Variants in KMO observed in about 807,000 individuals in gnomAD.
KMO encodes the protein kynurenine 3-hydroxylase.
In KMO, 24 loss-of-function variants were observed where a neutral mutation model predicts 57.8. That is an observed-to-expected ratio of 0.42 (90% CI 0.30 to 0.58). The LOEUF (loss-of-function observed/expected upper bound fraction) is 0.58, where lower values mean the gene tolerates loss of function less well. Ranked by LOEUF, KMO falls within the 20% of genes least tolerant of loss-of-function variation. KMO has a pLI of 0.22. For missense variants in KMO, 483 were observed against 588.2 expected, an observed-to-expected ratio of 0.82 and a Z score of 1.85; for synonymous variants, 210 against 193.6, an observed-to-expected ratio of 1.08 and a Z score of -0.70.
At chr1:241,582,630 T>G (rs1662795494) in intron 10 of KMO, among the ~76,000 whole-genome samples, 1 of 152,240 alleles carries the variant, frequency 6.6e-6, no homozygotes, top group Non-Finnish European at 1.5e-5. Context: ...TTTCAATCTC[T>G]TTGTTAAATT....
At chr1:241,555,697 A>T in intron 5 of KMO, 37 bp downstream of exon 5, 1 of 1,227,952 alleles carries the variant, frequency 8.1e-7, no homozygotes, top group Admixed American at 1.7e-5. Context: ...TGTCATTTTG[A>T]GTAAAGCACA....
intron 7 of KMO, among the ~76,000 whole-genome samples, chr1:241,563,023 C>T (rs915142643): frequency 1.3e-5 from 2 of 152,106 alleles, no homozygotes; most frequent in African/African-American, 4.8e-5. Context: ...TATCGTTTGT[C>T]TATGTTCTCT....
intron 1 of KMO, among the ~76,000 whole-genome samples, chr1:241,533,371 C>A (rs967078054): frequency 1.3e-5 from 2 of 152,190 alleles, no homozygotes; most frequent in African/African-American, 4.8e-5. Context: ...TAACACTGTT[C>A]TAGGCTGAAT....
In KMO at chr1:241,593,621, CAT is replaced by C; in HGVS notation, c.*1470_*1471del. 4.5e-6 allele frequency: 1 copy of C among 219,994 alleles called. No individual in the cohort carries two copies. The highest frequency in any genetic ancestry group is 9.9e-6 in the Non-Finnish European group (1 of 101,370). The allele number at this position is 219,994 out of a possible 1,614,324, so 13.6% of individuals were successfully genotyped here. ...GACAGATTGACAAGAGAAAAACAAA[CAT>C]AAATTTATTAGCGGGTATATGTAAT... On this transcript the variant is annotated 3_prime_UTR_variant, in exon 15 of 15. Transcript: ENST00000366559.
intron 1 of KMO, among the ~76,000 whole-genome samples, chr1:241,538,367 G>C (rs1210749946): frequency 6.6e-6 from 1 of 152,142 alleles, no homozygotes; most frequent in Non-Finnish European, 1.5e-5. Context: ...AAAGAGGGTT[G>C]GTGGTCTCTT....
chr1:241,564,215 T>G (rs1458464185), intron 7 of KMO, among the ~76,000 whole-genome samples: 1 of 152,152 alleles, frequency 6.6e-6, no homozygotes, highest in East Asian at 1.9e-4. Context: ...TGGAAGGTGC[T>G]CTCAAAACAT....
At chr1:241,570,596 A>G (rs1194275027) in intron 10 of KMO, among the ~76,000 whole-genome samples, 1 of 151,750 alleles carries the variant, frequency 6.6e-6, no homozygotes, top group Non-Finnish European at 1.5e-5. Context: ...GCTAAAATTG[A>G]ATGTGGATAT....
intron 4 of KMO, among the ~76,000 whole-genome samples, chr1:241,554,227 T>TTTCCTTCCTTCCTTCC (rs59290477): frequency 0.015 from 1,983 of 132,050 alleles, 52 homozygotes; most frequent in Non-Finnish European, 0.018. Context: ...AATACTTTTC[T>TTTCCTTCCTTCCTTCC]TTCCTTCCTT....
In KMO at chr1:241,592,024, C is replaced by A; in HGVS notation, c.1332C>A (p.Tyr444Ter). The A allele has an allele frequency of 1.2e-6, 2 of 1,613,962 alleles. No homozygotes were observed. Among genetic ancestry groups the A allele is most frequent in the Non-Finnish European group, 1.7e-6 (2 of 1,179,864 alleles). The change falls in exon 15 of 15, where the codon TAC (tyrosine) becomes TAA (stop). Residue 444 changes from tyrosine to a stop codon, truncating the protein, a stop_gained. Transcript: ENST00000366559. LOFTEE classifies it low-confidence loss of function (END_TRUNC). ...GCAGTACCTACCTACTTATACACTA[C>A]ATGTCACCACGATCTTTCCTCCGCT... ...AISSTYLLIH[Y>*]MSPRSFLRLR...
At chr1:241,581,192 C>A (rs1182549999) in intron 10 of KMO, among the ~76,000 whole-genome samples, 1 of 151,956 alleles carries the variant, frequency 6.6e-6, no homozygotes, top group Non-Finnish European at 1.5e-5. Context: ...TTTTTCCATC[C>A]TTTTATTTTC....
chr1:241,549,266 A>AAGTAGGAAAGAAAGAAAGG (rs1661296224), intron 2 of KMO, among the ~76,000 whole-genome samples: 1 of 117,556 alleles, frequency 8.5e-6, no homozygotes, highest in African/African-American at 3.3e-5. Context: ...AGAAAGAAAG[A>AAGTAGGAAAGAAAGAAAGG]AAGGAAGGAA....
At chr1:241,587,430 C>T (rs913282350) in intron 11 of KMO, among the ~76,000 whole-genome samples, 1 of 152,106 alleles carries the variant, frequency 6.6e-6, no homozygotes, top group African/African-American at 2.4e-5. Context: ...TTAGAAGCTC[C>T]AGTGTTTTTT....
intron 7 of KMO, 144 bp from the exon 8 acceptor site, chr1:241,564,843 T>A: frequency 3.5e-6 from 2 of 573,632 alleles, no homozygotes; most frequent in Non-Finnish European, 6.1e-6. Flanking sequence ...TAAGACAACT[T>A]CTATTTTATG....
chr1:241,534,266 G>C (rs1028049697), intron 1 of KMO, among the ~76,000 whole-genome samples: 3 of 152,192 alleles, frequency 2.0e-5, no homozygotes, highest in Non-Finnish European at 4.4e-5. Flanking sequence ...GACTAAGGTG[G>C]CAGCAGTGAT....
At chr1:241,557,407 C>T (rs993331914) in intron 5 of KMO, among the ~76,000 whole-genome samples, 1 of 152,078 alleles carries the variant, frequency 6.6e-6, no homozygotes, top group Non-Finnish European at 1.5e-5. Context: ...GATTTTTAAA[C>T]AGAGACTGTA....
intron 10 of KMO, among the ~76,000 whole-genome samples, chr1:241,584,570 A>G (rs1309820234): frequency 2.6e-5 from 4 of 152,094 alleles, no homozygotes; most frequent in Admixed American, 2.0e-4. Context: ...AAATGTTACT[A>G]TTTTGGCCAG....
rs377492519 is a variant in KMO, at chr1:241,532,556, C to T, written c.54+58C>T. On this transcript the variant is annotated intron_variant, in intron 1 of 14. Coordinates refer to ENST00000366559, the MANE Select transcript of KMO (RefSeq NM_003679.5). Reference sequence around the variant, plus strand: ...TGGTATTATATTAACTATTATTACTCGTAATGATTATTATTCGTCACTTCT... The same window carrying T: ...TGGTATTATATTAACTATTATTACTTGTAATGATTATTATTCGTCACTTCT... 4.6e-4 allele frequency: 563 copies of T among 1,231,280 alleles called. 7 individuals carry two copies. The South Asian group carries it at 4.8e-3, about 10-fold the overall frequency. 76.3% of individuals were successfully genotyped at this position (1,231,280 alleles called of 1,614,324 possible). A position where few individuals can be genotyped will look rare whatever the true frequency, so the allele number is the denominator to read the frequency against.
intron 10 of KMO, among the ~76,000 whole-genome samples, chr1:241,583,183 G>A (rs1662825036): frequency 6.6e-6 from 1 of 151,702 alleles, no homozygotes; most frequent in South Asian, 2.1e-4. Context: ...CTGGAGTTGG[G>A]GGAGGAGTGA....
chr1:241,557,088 C>G (rs555697181), intron 5 of KMO, among the ~76,000 whole-genome samples: 3 of 150,720 alleles, frequency 2.0e-5, no homozygotes, highest in African/African-American at 7.3e-5. Flanking sequence ...GAGAACAAAT[C>G]GAGAGATAGG....
Sources: gnomAD v4.1 joint callset for allele counts (sites outside exome capture counted in the v4.1 genomes callset) on GRCh38, gnomAD v4.1.1 for gene constraint, MANE v1.5 for transcripts, NCBI Gene and HGNC (gene_info 2026-07-23, HGNC 2026-07-21) for gene names.